Variants in ARL5C observed in about 807,000 individuals in gnomAD.
ARL5C encodes putative ADP-ribosylation factor-like protein 5C.
A neutral mutation model predicts 20.8 loss-of-function variants in ARL5C; 21 were observed. That is an observed-to-expected ratio of 1.01 (90% confidence interval 0.72 to 1.46). The LOEUF is 1.46. Ranked by LOEUF, ARL5C falls within the 40% of genes most tolerant of loss-of-function variation. The pLI is 0.00. For synonymous variants in ARL5C, 71 were observed against 81.6 expected, an observed-to-expected ratio of 0.87 and a Z score of 0.70; for missense variants, 199 against 225.1, an observed-to-expected ratio of 0.88 and a Z score of 0.74.
At chr17:39,163,129 C>T (rs1287159395) in intron 2 of ARL5C, among the ~76,000 whole-genome samples, 1 of 152,120 alleles carries the variant, frequency 6.6e-6, no homozygotes, top group Non-Finnish European at 1.5e-5. Context: ...TTTATAGAAA[C>T]AGGGTCTCAC....
At chr17:39,165,049 C>T (rs1332744748) in intron 2 of ARL5C, 30 bp downstream of exon 2, 1 of 1,549,298 alleles carries the variant, frequency 6.5e-7, no homozygotes, top group South Asian at 1.2e-5. Context: ...AGGCCCAGCT[C>T]TCTACCCTCC....
At chr17:39,163,392 T>TTCTTTCTC (rs1555576164) in intron 2 of ARL5C, among the ~76,000 whole-genome samples, 4 of 139,904 alleles carry the variant, frequency 2.9e-5, no homozygotes, top group Admixed American at 1.4e-4. Context: ...CTTTCTTTCT[T>TTCTTTCTC]TCTCTCTTTC....
At chr17:39,159,713 G>A (rs1385054070) in intron 5 of ARL5C, among the ~76,000 whole-genome samples, 1 of 152,204 alleles carries the variant, frequency 6.6e-6, no homozygotes, top group Non-Finnish European at 1.5e-5. Context: ...TTTCTCCAGT[G>A]CCTAGAACAG....
intron 5 of ARL5C, 70 bp from the exon 6 acceptor site, chr17:39,157,012 T>C: frequency 6.6e-7 from 1 of 1,524,488 alleles, no homozygotes; most frequent in Non-Finnish European, 8.9e-7. Context: ...TCTCCAGCCC[T>C]TGCCCAGATC....
chr17:39,160,476 CA>C, intron 5 of ARL5C, 114 bp downstream of exon 5: 1 of 1,369,820 alleles, frequency 7.3e-7, no homozygotes, highest in Non-Finnish European at 9.9e-7. Flanking sequence ...TGGCTTGGCC[CA>C]GGAGCCAACT....
chr17:39,159,873 G>A (rs1020726779), intron 5 of ARL5C, among the ~76,000 whole-genome samples: 4 of 152,210 alleles, frequency 2.6e-5, no homozygotes, highest in Non-Finnish European at 5.9e-5. Flanking sequence ...TGGAAGGCTT[G>A]TTCCCCAGGT....
chr17:39,161,242 C>T lies in ARL5C; in HGVS notation c.339+26G>A, dbSNP rs931814045. 7.8e-6 allele frequency: 12 copies of T among 1,547,662 alleles called. No individual in the cohort carries two copies. In the African/African-American group the frequency reaches 1.1e-4, roughly 14 times the overall value. On this transcript the variant is annotated intron_variant, in intron 4 of 5. Transcript: ENST00000269586. Reference sequence around the variant, plus strand: ...AGGGCACACAGCTAGTACCACTGGGCCCTCTCCCAACTGCAGGGGGCTTAC... The same window carrying T: ...AGGGCACACAGCTAGTACCACTGGGTCCTCTCCCAACTGCAGGGGGCTTAC...
intron 2 of ARL5C, among the ~76,000 whole-genome samples, chr17:39,163,368 TTCTTTC>T (rs1350040461): frequency 1.5e-5 from 2 of 131,814 alleles, no homozygotes; most frequent in Admixed American, 1.4e-4. Context: ...CTTTCTTTCT[TTCTTTC>T]TTTCTTTCTT....
intron 2 of ARL5C, among the ~76,000 whole-genome samples, chr17:39,164,810 G>T (rs992213415): frequency 3.9e-5 from 6 of 152,170 alleles, no homozygotes; most frequent in Admixed American, 2.0e-4. Context: ...GGCAGTTTGG[G>T]ACACTTGGCA....
intron 5 of ARL5C, 84 bp downstream of exon 5, chr17:39,160,507 G>T (rs1445667096): frequency 3.4e-6 from 5 of 1,483,658 alleles, no homozygotes; most frequent in Non-Finnish European, 4.5e-6. Flanking sequence ...ATTCTCACAG[G>T]AGAGAGGCAG....
chr17:39,162,051 C>T (rs1008619638), intron 3 of ARL5C, among the ~76,000 whole-genome samples: 4 of 152,134 alleles, frequency 2.6e-5, no homozygotes, highest in African/African-American at 9.7e-5. Flanking sequence ...TGGAACCCAG[C>T]TCTGTCTCGG....
chr17:39,160,856 TG>T, intron 4 of ARL5C, 114 bp from the exon 5 acceptor site: 1 of 1,298,122 alleles, frequency 7.7e-7, no homozygotes, highest in Non-Finnish European at 1.0e-6. Flanking sequence ...GAGAGGCCCA[TG>T]CCTGGATGGG....
chr17:39,158,648 C>A (rs1032096057), intron 5 of ARL5C, among the ~76,000 whole-genome samples: 1 of 151,654 alleles, frequency 6.6e-6, no homozygotes, highest in Admixed American at 6.6e-5. Context: ...GTGTGCCCAG[C>A]CTGCCATGAT....
chr17:39,163,354 C>CTTTCTTTCTTTCTTTCTTTCTTTCTT lies in ARL5C; in HGVS notation c.108-522_108-497dup, dbSNP rs2045445081. Among the ~76,000 whole-genome samples the CTTTCTTTCTTTCTTTCTTTCTTTCTT allele has an allele frequency of 5.8e-4, 64 of 109,640 alleles. 1 individual carries two copies. Among genetic ancestry groups the CTTTCTTTCTTTCTTTCTTTCTTTCTT allele is most frequent in the South Asian group, 4.0e-3 (17 of 4,268 alleles). 71.9% of individuals were successfully genotyped at this position (109,640 alleles called of 152,430 possible). ...GGGGTCCAGGCTTTTGCCTTTCTTT[C>CTTTCTTTCTTTCTTTCTTTCTTTCTT]TTTCTTTCTTTCTTTCTTTCTTTCT... On this transcript the variant is annotated intron_variant, in intron 2 of 5. Transcript: ENST00000269586.
At chr17:39,157,552 G>A (rs1179064042) in intron 5 of ARL5C, among the ~76,000 whole-genome samples, 2 of 152,166 alleles carry the variant, frequency 1.3e-5, no homozygotes, top group Non-Finnish European at 2.9e-5. Context: ...CACTTAGGGA[G>A]GCGGAGGCGG....
At position 39,166,098 on chromosome 17, in the gene ARL5C, C is replaced by T. The variant is rs373649789; in HGVS notation, c.-338G>A. The T allele has an allele frequency of 2.9e-6, 1 of 346,550 alleles. No homozygotes were observed. The highest frequency in any genetic ancestry group is 5.5e-6 in the Non-Finnish European group (1 of 182,454). The allele number at this position is 346,550 out of a possible 1,614,324, so 21.5% of individuals were successfully genotyped here. A position where few individuals can be genotyped will look rare whatever the true frequency, so the allele number is the denominator to read the frequency against. On this transcript the variant is annotated 5_prime_UTR_variant, in exon 1 of 6. Transcript: ENST00000269586. ...CTACCGCAAATCAGGGGAGACTCAG[C>T]ACTGCGCGCGGAACCGGATCCCAGC...
intron 5 of ARL5C, chr17:39,160,217 G>A (rs534429193): frequency 1.3e-4 from 22 of 164,802 alleles, no homozygotes; most frequent in East Asian, 5.4e-4. Flanking sequence ...CAGCTACTCC[G>A]GAGGCTGAGG....
At chr17:39,157,859 C>T (rs1206018146) in intron 5 of ARL5C, among the ~76,000 whole-genome samples, 3 of 147,710 alleles carry the variant, frequency 2.0e-5, no homozygotes, top group East Asian at 2.0e-4. Flanking sequence ...TTTGGGAGGC[C>T]GAGGCGGGCG....
chr17:39,158,514 G>A (rs778409367), intron 5 of ARL5C, among the ~76,000 whole-genome samples: 15 of 152,028 alleles, frequency 9.9e-5, no homozygotes, highest in Admixed American at 2.6e-4. Context: ...TAGGGAGGCT[G>A]AGGTGGGAGG....
Sources: allele counts gnomAD v4.1 joint callset (sites outside exome capture counted in the v4.1 genomes callset), GRCh38; gene constraint gnomAD v4.1.1; transcripts MANE v1.5; gene names NCBI Gene and HGNC (gene_info 2026-07-23, HGNC 2026-07-21).